ADH1A: variants seen among roughly 807,000 people sequenced by gnomAD.
ADH1A encodes alcohol dehydrogenase 1A (class I), alpha polypeptide.
In ADH1A, 29 loss-of-function variants were observed where a neutral mutation model predicts 35.2. The observed-to-expected ratio is 0.82, with a 90% CI of 0.61 to 1.12. The LOEUF is 1.12. ADH1A is among the 50% of genes most tolerant of loss of function. The pLI is 0.00. For missense variants in ADH1A, 469 were observed against 464.7 expected (o/e 1.01, Z -0.09); for synonymous variants, 147 against 164.8 (o/e 0.89, Z 0.83).
intron 5 of ADH1A, among the ~76,000 whole-genome samples, chr4:99,283,546 C>G (rs1272696677): frequency 6.6e-6 from 1 of 152,066 alleles, no homozygotes; most frequent in African/African-American, 2.4e-5. Context: ...TTCTAACTTA[C>G]TTAGAAAAAT....
Position 99,277,402 on chromosome 4 carries a change from C to T in ADH1A, c.1104-754G>A, listed in dbSNP as rs28364337. Among the ~76,000 whole-genome samples, 1,198 of 152,028 alleles carry T rather than the reference C, an allele frequency of 7.9e-3. 14 individuals are homozygous for T. Among genetic ancestry groups the T allele is most frequent in the African/African-American group, 0.027 (1,135 of 41,516 alleles). On this transcript the variant is annotated intron_variant, in intron 8 of 8. Transcript: ENST00000209668. ...ATGCCCTTTCTATAAACCAACTTCT[C>T]ATGAATAAATATTTTTAGAAAATGA...
intron 1 of ADH1A, 151 bp downstream of exon 1, chr4:99,290,746 C>T: frequency 2.5e-6 from 2 of 787,770 alleles, no homozygotes; most frequent in Non-Finnish European, 4.2e-6. Context: ...GTTCAGTATA[C>T]ATTACATATT....
intron 8 of ADH1A, 42 bp downstream of exon 8, chr4:99,279,384 G>A (rs1202647025): frequency 6.4e-7 from 1 of 1,566,724 alleles, no homozygotes; most frequent in Non-Finnish European, 8.6e-7. Context: ...ATCCCCTATG[G>A]TAGAAAAAAA....
intron 6 of ADH1A, chr4:99,281,156 TC>T (rs1288965075): frequency 6.6e-6 from 1 of 152,214 alleles, no homozygotes; most frequent in Admixed American, 6.5e-5. Flanking sequence ...TCTTGACACT[TC>T]ATTCATCTGT....
intron 8 of ADH1A, among the ~76,000 whole-genome samples, chr4:99,278,284 GCTA>G (rs1164409123): frequency 1.3e-5 from 2 of 152,108 alleles, no homozygotes; most frequent in Admixed American, 6.6e-5. Context: ...ACCTTTGATG[GCTA>G]CTGTGTTCCA....
At chr4:99,284,187 C>T (rs1386060008) in intron 5 of ADH1A, among the ~76,000 whole-genome samples, 2 of 152,144 alleles carry the variant, frequency 1.3e-5, no homozygotes, top group Admixed American at 6.5e-5. Context: ...AAAATGAAAT[C>T]TTTACATTTT....
At chr4:99,286,066 AT>A (rs1733146065) in intron 3 of ADH1A, among the ~76,000 whole-genome samples, 2 of 151,900 alleles carry the variant, frequency 1.3e-5, no homozygotes, top group Admixed American at 6.6e-5. Flanking sequence ...ATTAAACATA[AT>A]TTTTATTTTA....
chr4:99,280,093 G>C lies in ADH1A; in HGVS notation c.964+51C>G, dbSNP rs553109363. 5.6e-6 allele frequency: 9 copies of C among 1,609,518 alleles called. No individual in the cohort carries two copies. In the African/African-American group the frequency reaches 1.1e-4, roughly 19 times the overall value. ...ACCTTGCCTTGTCACTTGTAAAAGGGGAGATATGCTGAGGTTAATGAGAAT... is the reference window on the plus strand; with the variant it reads ...ACCTTGCCTTGTCACTTGTAAAAGGCGAGATATGCTGAGGTTAATGAGAAT... On this transcript the variant is annotated intron_variant, in intron 7 of 8. Transcript: ENST00000209668.
chr4:99,286,354 A>G (rs1733152902), intron 3 of ADH1A, among the ~76,000 whole-genome samples: 1 of 152,144 alleles, frequency 6.6e-6, no homozygotes, highest in Non-Finnish European at 1.5e-5. Flanking sequence ...TGCAAGAGGA[A>G]ATTGGTGAAG....
chr4:99,283,231 A>G (rs1027451397), intron 5 of ADH1A, among the ~76,000 whole-genome samples: 1 of 152,216 alleles, frequency 6.6e-6, no homozygotes, highest in African/African-American at 2.4e-5. Context: ...ATATATTGTT[A>G]TGAGTATCCT....
In ADH1A at chr4:99,284,481, T is replaced by C. The variant is rs758178003; in HGVS notation, c.485A>G (p.Asp162Gly). ...GACTTTCTCTAGAGGCGAGGCTGCA[T>C]CAATTTTGGCTACTGCATTTTCATC... ...VVDENAVAKI[D>G]AASPLEKVCL... is the part of the protein sequence containing the mutation. Residue 162 changes from aspartate to glycine, a missense_variant, in exon 5 of 9, where the codon GAT (aspartate) becomes GGT (glycine). Physicochemically the swap from Asp to Gly is moderately conservative, Grantham distance 94 (BLOSUM62 -1). Coordinates refer to ENST00000209668, the MANE Select transcript of ADH1A (RefSeq NM_000667.4). 3 of 1,614,196 alleles carry C rather than the reference T, an allele frequency of 1.9e-6. No individual in the cohort carries two copies. Among genetic ancestry groups the C allele is most frequent in the South Asian group, 1.1e-5 (1 of 91,082 alleles).
chr4:99,283,368 C>G (rs921434201), intron 5 of ADH1A, among the ~76,000 whole-genome samples: 2 of 152,022 alleles, frequency 1.3e-5, no homozygotes, highest in Non-Finnish European at 2.9e-5. Context: ...TTTAATTGGC[C>G]AGGGGATATT....
chr4:99,284,714 A>T lies in ADH1A; in HGVS notation c.347+2T>A. 5.6e-6 allele frequency: 9 copies of T among 1,613,832 alleles called. No individual in the cohort carries two copies. The highest frequency in any genetic ancestry group is 7.6e-6 in the Non-Finnish European group (9 of 1,179,854). The stretch of plus-strand genomic sequence containing the variant: ...TGCGCAGGGAGAGCATCAGAAACCT[A>T]CTCGTTTTTCAAGCAGTAGTTGCTC... On this transcript the variant is annotated splice_donor_variant, in intron 4 of 8. Coordinates refer to ENST00000209668, the MANE Select transcript of ADH1A (RefSeq NM_000667.4). LOFTEE classifies it high-confidence loss of function.
intron 7 of ADH1A, 104 bp from the exon 8 acceptor site, chr4:99,279,668 A>G (rs1399126740): frequency 7.2e-6 from 10 of 1,380,082 alleles, no homozygotes; most frequent in Non-Finnish European, 9.0e-6. Context: ...TGCTGCTTCC[A>G]GACTGCAACG....
intron 3 of ADH1A, among the ~76,000 whole-genome samples, chr4:99,285,890 C>T (rs1253772806): frequency 6.6e-6 from 1 of 151,738 alleles, no homozygotes; most frequent in African/African-American, 2.4e-5. Flanking sequence ...GGTGTGGTGG[C>T]GGGCACCTGT....
At position 99,284,760 on chromosome 4, in the gene ADH1A, G is replaced by C; in HGVS notation, c.303C>G (p.Cys101Trp). ...TGCTCTCCGGGTTTTTACAAATTCT[G>C]CATTTTCCACACTGAGGAATAGCGA... ...IPLAIPQCGKCRICKNPESNY... is the reference protein window; with the variant it reads ...IPLAIPQCGKWRICKNPESNY... Residue 101 changes from cysteine to tryptophan, a missense_variant, in exon 4 of 9, where the codon TGC (cysteine) becomes TGG (tryptophan). By Grantham distance (215) the Cys-to-Trp change is radical. Coordinates refer to ENST00000209668, the MANE Select transcript of ADH1A (RefSeq NM_000667.4). 1 of 1,614,172 alleles carries C rather than the reference G, an allele frequency of 6.2e-7. No individual in the cohort carries two copies. The highest frequency in any genetic ancestry group is 8.5e-7 in the Non-Finnish European group (1 of 1,180,034).
intron 3 of ADH1A, among the ~76,000 whole-genome samples, chr4:99,285,792 G>A (rs1733136633): frequency 6.6e-6 from 1 of 151,970 alleles, no homozygotes; most frequent in East Asian, 1.9e-4. Flanking sequence ...GGAGGCCGAG[G>A]CAGGCAGATC....
intron 3 of ADH1A, among the ~76,000 whole-genome samples, chr4:99,286,498 C>T (rs1733156354): frequency 6.6e-6 from 1 of 152,080 alleles, no homozygotes; most frequent in South Asian, 2.1e-4. Flanking sequence ...GTGTCTGGGC[C>T]CTGACAGAAG....
Position 99,284,452 on chromosome 4 carries a change from G to A in ADH1A, c.514C>T (p.Leu172Phe). The A allele has an allele frequency of 1.2e-6, 2 of 1,614,126 alleles. No homozygotes were observed. The highest frequency in any genetic ancestry group is 1.7e-6 in the Non-Finnish European group (2 of 1,179,980). ...CCAGTTGAAAATCCACAGCCAATGA[G>A]ACAGACTTTCTCTAGAGGCGAGGCT... Reference protein sequence around the residue: ...DAASPLEKVCLIGCGFSTGYG... With the variant: ...DAASPLEKVCFIGCGFSTGYG... Residue 172 changes from leucine to phenylalanine, a missense_variant, in exon 5 of 9, where the codon CTC becomes TTC. Coordinates refer to ENST00000209668, the MANE Select transcript of ADH1A (RefSeq NM_000667.4).
Sources: gnomAD v4.1 joint callset for allele counts (sites outside exome capture counted in the v4.1 genomes callset) on GRCh38, gnomAD v4.1.1 for gene constraint, MANE v1.5 for transcripts, NCBI Gene and HGNC (gene_info 2026-07-23, HGNC 2026-07-21) for gene names.